Variants in NTN1 observed in about 807,000 individuals in gnomAD.
The protein encoded by NTN1 is netrin-1.
In NTN1, 11 loss-of-function variants were observed where a neutral mutation model predicts 54.2. The ratio of observed to expected loss-of-function variants is 0.20; its 90% CI spans 0.13 to 0.34. NTN1 has a LOEUF of 0.34. Ranked by LOEUF, NTN1 falls within the 10% of genes least tolerant of loss-of-function variation. The pLI, the probability that NTN1 is intolerant of heterozygous loss-of-function variation, is 1.00. For missense variants in NTN1, 740 were observed against 893.1 expected (o/e 0.83, Z 2.18); for synonymous variants, 371 against 382.0 (o/e 0.97, Z 0.33).
intron 2 of NTN1, among the ~76,000 whole-genome samples, chr17:9,156,004 G>C (rs1410714645): frequency 1.3e-5 from 2 of 152,178 alleles, no homozygotes; most frequent in East Asian, 3.9e-4. Flanking sequence ...TACATGCTGA[G>C]TAGGTCTCCT....
chr17:9,221,276 G>A lies in NTN1; in HGVS notation c.1486+34G>A, dbSNP rs747842452. ...GAGTCCCCTTGTCTGGGGAGGATGGGAGGGGGCCACGTGACCAGCGAGGTG... is the reference window on the plus strand; with the variant it reads ...GAGTCCCCTTGTCTGGGGAGGATGGAAGGGGGCCACGTGACCAGCGAGGTG... On this transcript the variant is annotated intron_variant, in intron 6 of 6. Coordinates refer to ENST00000173229, the MANE Select transcript of NTN1 (RefSeq NM_004822.3). This position sits in a 1 kb window ranked among gnomAD's most constrained non-coding sequence, Gnocchi z 4.5. 1.2e-5 allele frequency: 19 copies of A among 1,561,948 alleles called. No homozygotes were observed. In the East Asian group the frequency reaches 4.0e-4, roughly 33 times the overall value.
At chr17:9,035,013 C>T (rs1384380066) in intron 2 of NTN1, among the ~76,000 whole-genome samples, 2 of 152,290 alleles carry the variant, frequency 1.3e-5, no homozygotes, top group East Asian at 1.9e-4. Flanking sequence ...GTGGCGTGAT[C>T]GCGGCTCGCT....
rs778929155 is a variant in NTN1, at chr17:9,221,010, G to A, written c.1412-158G>A. 2.0e-5 allele frequency among the ~76,000 whole-genome samples: 3 copies of A among 152,090 alleles called. No individual in the cohort carries two copies. The highest frequency in any genetic ancestry group is 2.1e-4 in the South Asian group (1 of 4,830). On this transcript the variant is annotated intron_variant, in intron 5 of 6. Coordinates refer to ENST00000173229, the MANE Select transcript of NTN1 (RefSeq NM_004822.3). This position sits in a 1 kb window ranked among gnomAD's most constrained non-coding sequence, Gnocchi z 4.5. Reference sequence around the variant, plus strand: ...TTGTCCCTCAGGCCTCTTTAGAAGCGCAGGCCTTTCCTGAATGGCCGCCTG... The same window carrying A: ...TTGTCCCTCAGGCCTCTTTAGAAGCACAGGCCTTTCCTGAATGGCCGCCTG...
intron 2 of NTN1, among the ~76,000 whole-genome samples, chr17:9,075,159 G>A (rs1215077947): frequency 6.6e-6 from 1 of 152,134 alleles, no homozygotes. Flanking sequence ...TTGGTCAAAT[G>A]ACCTCCTCTC....
chr17:9,008,314 A>G, the NTN1 span, among the ~76,000 whole-genome samples: 6 of 151,808 alleles, frequency 4.0e-5, 1 homozygote, highest in East Asian at 1.2e-3. Context: ...TTAATTAATT[A>G]GTTTATTTAT....
At chr17:9,182,118 C>A (rs566144709) in intron 4 of NTN1, among the ~76,000 whole-genome samples, 3 of 152,322 alleles carry the variant, frequency 2.0e-5, no homozygotes, top group African/African-American at 7.2e-5. Flanking sequence ...GCTGGGACTA[C>A]AGGTGCGTGC....
chr17:9,237,422 A>G (rs78719657), intron 6 of NTN1, among the ~76,000 whole-genome samples: 2,345 of 152,320 alleles, frequency 0.015, 56 homozygotes, highest in African/African-American at 0.053. Flanking sequence ...TAAAGACCCT[A>G]TCTCCAAGTA....
chr17:9,221,869 C>T lies in NTN1; in HGVS notation c.1486+627C>T, dbSNP rs950096979. ...CCTGTCCCCTTGCTCTCATGGTGGT[C>T]GTGGAGAGTGGAGATGGTCTGGGAG... On this transcript the variant is annotated intron_variant, in intron 6 of 6. Transcript: ENST00000173229. This position sits in a 1 kb window ranked among gnomAD's most constrained non-coding sequence, Gnocchi z 4.5. Among the ~76,000 whole-genome samples, 3 of 152,214 alleles carry T rather than the reference C, an allele frequency of 2.0e-5. No homozygotes were observed. The highest frequency in any genetic ancestry group is 1.3e-4 in the Admixed American group (2 of 15,296).
intron 1 of NTN1, 128 bp from the exon 2 acceptor site, chr17:9,022,183 G>C: frequency 1.7e-6 from 1 of 584,662 alleles, no homozygotes; most frequent in African/African-American, 1.9e-5. Flanking sequence ...GGGGGAGAGA[G>C]GCGGGCAGTC....
the NTN1 span, among the ~76,000 whole-genome samples, chr17:9,013,126 C>T: frequency 6.6e-6 from 1 of 151,924 alleles, no homozygotes; most frequent in Non-Finnish European, 1.5e-5. Context: ...CCTGTGGTAG[C>T]CAGGTCTGTT....
At chr17:9,199,644 GA>G in intron 5 of NTN1, among the ~76,000 whole-genome samples, 1 of 152,354 alleles carries the variant, frequency 6.6e-6, no homozygotes, top group East Asian at 1.9e-4. Context: ...GACTGGGCCT[GA>G]AAGTGTTGAG....
intron 4 of NTN1, among the ~76,000 whole-genome samples, chr17:9,182,595 C>G (rs914901619): frequency 6.6e-6 from 1 of 152,228 alleles, no homozygotes; most frequent in Non-Finnish European, 1.5e-5. Context: ...AAGCCTCTCT[C>G]CATACCCGCA....
At chr17:9,077,404 A>G (rs1293220997) in intron 2 of NTN1, among the ~76,000 whole-genome samples, 1 of 152,160 alleles carries the variant, frequency 6.6e-6, no homozygotes, top group Non-Finnish European at 1.5e-5. Context: ...GCAGTGGCTG[A>G]GAATCAAAAG....
intron 6 of NTN1, among the ~76,000 whole-genome samples, chr17:9,236,605 C>T (rs564735439): frequency 3.3e-5 from 5 of 152,284 alleles, no homozygotes; most frequent in East Asian, 1.9e-4. Context: ...CCTGCCCCTG[C>T]GGCCAGGACA....
Position 9,211,763 on chromosome 17 carries a change from T to A in NTN1, c.1412-9405T>A, listed in dbSNP as rs1905113189. 6.6e-6 allele frequency among the ~76,000 whole-genome samples: 1 copy of A among 152,222 alleles called. No homozygotes were observed. Among genetic ancestry groups the A allele is most frequent in the Non-Finnish European group, 1.5e-5 (1 of 68,040 alleles). On this transcript the variant is annotated intron_variant, in intron 5 of 6. Coordinates refer to ENST00000173229, the MANE Select transcript of NTN1 (RefSeq NM_004822.3). The surrounding 1 kb of genome is among the most constrained non-coding windows in gnomAD (Gnocchi z 4.4). ...CGCTATATTCTTGTTGGTTTATGTTTTGTTTCTTTGATAATTTGAGATTGA... is the reference window on the plus strand; with the variant it reads ...CGCTATATTCTTGTTGGTTTATGTTATGTTTCTTTGATAATTTGAGATTGA...
At chr17:9,149,263 A>G (rs1369788909) in intron 2 of NTN1, among the ~76,000 whole-genome samples, 4 of 136,994 alleles carry the variant, frequency 2.9e-5, no homozygotes, top group Admixed American at 2.9e-4. Flanking sequence ...CCCCCCCCAC[A>G]CCCCCACACA....
chr17:9,102,460 A>G (rs1167004120), intron 2 of NTN1, among the ~76,000 whole-genome samples: 3 of 152,206 alleles, frequency 2.0e-5, no homozygotes, highest in African/African-American at 7.2e-5. Flanking sequence ...CCCATGATTC[A>G]ATTATCTCTA....
intron 6 of NTN1, among the ~76,000 whole-genome samples, chr17:9,235,393 C>G (rs1204346236): frequency 6.6e-6 from 1 of 152,186 alleles, no homozygotes; most frequent in Non-Finnish European, 1.5e-5. Flanking sequence ...CAGAGCCCCC[C>G]TGTTCCAGCG....
rs148427045 is a variant in NTN1 at position 9,235,412 on chromosome 17, G to A, written c.1487-4228G>A. On this transcript the variant is annotated intron_variant, in intron 6 of 6. Transcript: ENST00000173229. ...GCCCCCCTGTTCCAGCGTTGTTGAA[G>A]ACAACTTTTAGGACATCAATGCAGG... Among the ~76,000 whole-genome samples, 307 of 152,304 alleles carry A rather than the reference G, an allele frequency of 2.0e-3. 5 individuals carry two copies. Among genetic ancestry groups the A allele is most frequent in the African/African-American group, 6.6e-3 (274 of 41,560 alleles).
Sources: gnomAD v4.1 joint callset for allele counts (sites outside exome capture counted in the v4.1 genomes callset) on GRCh38, gnomAD v4.1.1 for gene constraint, Gnocchi (gnomAD v3.1) non-coding constraint, MANE v1.5 for transcripts, NCBI Gene and HGNC (gene_info 2026-07-23, HGNC 2026-07-21) for gene names.